The following DNAH11 variants were observed in gnomAD, a reference collection of about 807,000 sequenced individuals.
DNAH11 encodes the protein axonemal beta dynein heavy chain 11.
DNAH11 carries 442 observed loss-of-function variants against 526.0 expected under a neutral mutation model. The ratio of observed to expected loss-of-function variants is 0.84; its 90% CI spans 0.78 to 0.91. DNAH11 has a LOEUF of 0.91. Among genes scored for constraint, DNAH11 ranks in the 40% least tolerant of loss-of-function variants. The pLI is 0.00. For synonymous variants in DNAH11, 2,461 were observed against 1,935.9 expected (o/e 1.27, Z -7.12); for missense variants, 6,989 against 5,448.7 (o/e 1.28, Z -8.90).
chr7:21,838,489 T>C (rs1054584304), intron 65 of DNAH11, among the ~76,000 whole-genome samples: 3 of 152,190 alleles, frequency 2.0e-5, no homozygotes, highest in African/African-American at 7.2e-5. Flanking sequence ...TGTTTTAAAA[T>C]GGAAATTGCT....
At chr7:21,880,589 G>A (rs1783880002) in intron 74 of DNAH11, 113 bp from the exon 75 acceptor site, 2 of 1,067,398 alleles carry the variant, frequency 1.9e-6, no homozygotes, top group South Asian at 1.5e-5. Flanking sequence ...GCTGAAGACT[G>A]CCTCTGTAGT....
At chr7:21,832,296 G>A (rs1165422974) in intron 65 of DNAH11, among the ~76,000 whole-genome samples, 2 of 152,176 alleles carry the variant, frequency 1.3e-5, no homozygotes, top group African/African-American at 2.4e-5. Context: ...AATTTGGCAT[G>A]TTTTTGCAGT....
chr7:21,652,279 C>G (rs1388542968), intron 28 of DNAH11, among the ~76,000 whole-genome samples: 1 of 152,154 alleles, frequency 6.6e-6, no homozygotes. Flanking sequence ...TTAAATAAAA[C>G]AAACCTCCCA....
chr7:21,798,972 T>C (rs529843094), intron 61 of DNAH11, among the ~76,000 whole-genome samples: 1 of 152,332 alleles, frequency 6.6e-6, no homozygotes, highest in African/African-American at 2.4e-5. Flanking sequence ...CAAATATTAC[T>C]TGATATCATC....
rs373278618 is a variant in DNAH11 at position 21,702,814 on chromosome 7, C to G, written c.6273+12C>G. Reference sequence around the variant, plus strand: ...GACCCGAAGATCAGGTACTGCAATGCTAATATGATTTTGTTGAGTGAGTAG... The same window carrying G: ...GACCCGAAGATCAGGTACTGCAATGGTAATATGATTTTGTTGAGTGAGTAG... On this transcript the variant is annotated intron_variant, in intron 37 of 81. Transcript: ENST00000409508. The G allele has an allele frequency of 3.7e-6, 6 of 1,607,534 alleles. No individual in the cohort carries two copies. The African/African-American group carries it at 5.3e-5, about 14-fold the overall frequency.
chr7:21,744,473 T>C lies in DNAH11; in HGVS notation c.8190T>C (p.Gly2730=). 3 of 1,613,940 alleles carry C rather than the reference T, an allele frequency of 1.9e-6. No homozygotes were observed. Among genetic ancestry groups the C allele is most frequent in the Non-Finnish European group, 2.5e-6 (3 of 1,179,830 alleles). The stretch of plus-strand genomic sequence containing the variant: ...TTGCTTCTCCTGAGTGTTTAAAAGG[T>C]CCACTTGATTTAATACATCTGTGGC... ...ILFASPECLK[G]PLDLIHLWLH... Residue 2730 remains glycine (G), a synonymous_variant, in exon 50 of 82, where the codon GGT becomes GGC. Coordinates refer to ENST00000409508, the MANE Select transcript of DNAH11 (RefSeq NM_001277115.2).
At chr7:21,706,778 A>G (rs1184233231) in intron 39 of DNAH11, among the ~76,000 whole-genome samples, 1 of 152,198 alleles carries the variant, frequency 6.6e-6, no homozygotes. Context: ...AGTGTTTGCC[A>G]ATTGTTTATC....
At chr7:21,721,176 C>T (rs932916331) in intron 44 of DNAH11, among the ~76,000 whole-genome samples, 2 of 152,178 alleles carry the variant, frequency 1.3e-5, no homozygotes, top group African/African-American at 2.4e-5. Context: ...GACAGATCTC[C>T]TCCTCTGCCC....
chr7:21,791,122 A>T (rs895529967), intron 61 of DNAH11, among the ~76,000 whole-genome samples: 9 of 152,168 alleles, frequency 5.9e-5, no homozygotes, highest in Admixed American at 5.9e-4. Context: ...CAGGAGCAGG[A>T]TGAGGAGCGT....
intron 61 of DNAH11, among the ~76,000 whole-genome samples, chr7:21,793,941 T>C (rs980375021): frequency 6.6e-5 from 10 of 151,684 alleles, no homozygotes; most frequent in Admixed American, 3.9e-4. Context: ...TCTGTAGACA[T>C]TTGTTTGTTT....
intron 74 of DNAH11, among the ~76,000 whole-genome samples, chr7:21,874,378 C>T (rs1420855473): frequency 6.6e-6 from 1 of 151,738 alleles, no homozygotes; most frequent in Non-Finnish European, 1.5e-5. Context: ...TCTTGTCGCC[C>T]AGGCTGGAGT....
At chr7:21,557,675 C>CAT (rs1783274081) in intron 2 of DNAH11, among the ~76,000 whole-genome samples, 1 of 152,192 alleles carries the variant, frequency 6.6e-6, no homozygotes, top group Admixed American at 6.5e-5. Flanking sequence ...CACACCATAA[C>CAT]ACCTGCCTTG....
intron 25 of DNAH11, among the ~76,000 whole-genome samples, chr7:21,625,035 A>G (rs542644494): frequency 6.6e-6 from 1 of 152,000 alleles, no homozygotes; most frequent in Non-Finnish European, 1.5e-5. Flanking sequence ...TGGTATCAGA[A>G]TAATCATGGC....
chr7:21,556,034 T>TAG (rs1190348770), intron 2 of DNAH11, among the ~76,000 whole-genome samples: 1 of 152,208 alleles, frequency 6.6e-6, no homozygotes, highest in Non-Finnish European at 1.5e-5. Flanking sequence ...GCAGGTCATT[T>TAG]ATCTCCTAGC....
intron 29 of DNAH11, among the ~76,000 whole-genome samples, chr7:21,657,883 A>G (rs528196778): frequency 5.9e-5 from 9 of 152,232 alleles, no homozygotes; most frequent in East Asian, 3.9e-4. Context: ...CTCCATTCCA[A>G]TTCTTCAGAG....
chr7:21,772,438 C>G (rs563849680), intron 55 of DNAH11, among the ~76,000 whole-genome samples: 6 of 150,752 alleles, frequency 4.0e-5, no homozygotes, highest in African/African-American at 1.5e-4. Flanking sequence ...ATGTGTGTAC[C>G]TTTAGTTCCC....
Position 21,892,603 on chromosome 7 carries a change from T to C in DNAH11, c.12686T>C (p.Leu4229Ser), listed in dbSNP as rs1415056908. The C allele has an allele frequency of 6.2e-7, 1 of 1,613,918 alleles. No homozygotes were observed. ...TVTSNTLFRTLLEMQPRNALS... is the reference protein window; with the variant it reads ...TVTSNTLFRTSLEMQPRNALS... ...ACATCCAACACTCTCTTCAGAACTT[T>C]GCTGGAGATGCAGCCCAGGAATGCA... Residue 4229 changes from leucine (L) to serine (S), a missense_variant, in exon 77 of 82, where the codon TTG becomes TCG. By Grantham distance (145) the Leu-to-Ser change is moderately radical. Coordinates refer to ENST00000409508, the MANE Select transcript of DNAH11 (RefSeq NM_001277115.2).
At chr7:21,586,826 C>CTATATGACAGGCTTAATAACTA (rs1784493062) in intron 9 of DNAH11, among the ~76,000 whole-genome samples, 1 of 152,128 alleles carries the variant, frequency 6.6e-6, no homozygotes, top group African/African-American at 2.4e-5. Flanking sequence ...TTATAAAGCC[C>CTATATGACAGGCTTAATAACTA]ACACAGAATG....
intron 76 of DNAH11, among the ~76,000 whole-genome samples, chr7:21,885,098 TAA>T (rs36115410): frequency 0.47 from 66,555 of 141,096 alleles, 16,499 homozygotes; most frequent in South Asian, 0.57. Context: ...AACAAGATAG[TAA>T]AAAAAAAGAT....
Sources: gnomAD v4.1 joint callset for allele counts (sites outside exome capture counted in the v4.1 genomes callset) on GRCh38, gnomAD v4.1.1 for gene constraint, MANE v1.5 for transcripts, NCBI Gene and HGNC (gene_info 2026-07-23, HGNC 2026-07-21) for gene names.